The following SNX29 variants were observed in gnomAD, a reference collection of about 807,000 sequenced individuals.
SNX29 encodes the protein sorting nexin-29.
Under a neutral mutation model 102.1 loss-of-function variants are expected in SNX29, and 78 were observed. The observed-to-expected ratio is 0.76, with a 90% confidence interval of 0.64 to 0.92. The LOEUF (loss-of-function observed/expected upper bound fraction) is 0.92. SNX29 is among the 40% of genes least tolerant of loss of function. The probability of loss-of-function intolerance (pLI) is 0.00; values close to 1 mark genes in which losing one functional copy is unlikely to be tolerated. For missense variants in SNX29, 1,280 were observed against 1,061.7 expected, an observed-to-expected ratio of 1.21 and a Z score of -2.86; for synonymous variants, 580 against 414.5, an observed-to-expected ratio of 1.40 and a Z score of -4.85.
chr16:12,257,245 C>T (rs994299774), intron 14 of SNX29, among the ~76,000 whole-genome samples: 1 of 152,120 alleles, frequency 6.6e-6, no homozygotes, highest in Non-Finnish European at 1.5e-5. Flanking sequence ...TCTTGGAATC[C>T]GACTTCCTGT....
At chr16:12,194,698 C>CTT (rs2076727277) in intron 13 of SNX29, among the ~76,000 whole-genome samples, 2 of 148,314 alleles carry the variant, frequency 1.3e-5, no homozygotes, top group South Asian at 4.4e-4. Flanking sequence ...GTGATCTTGG[C>CTT]TCAGTGCAAC....
intron 15 of SNX29, among the ~76,000 whole-genome samples, chr16:12,346,521 A>G (rs1482245299): frequency 2.0e-5 from 3 of 152,088 alleles, no homozygotes; most frequent in East Asian, 1.9e-4. Flanking sequence ...TTAATCCCAA[A>G]TGGCCTGCCT....
intron 13 of SNX29, among the ~76,000 whole-genome samples, chr16:12,182,876 G>A (rs1169218080): frequency 1.4e-5 from 2 of 145,262 alleles, no homozygotes; most frequent in Non-Finnish European, 3.0e-5. Context: ...GGAGGTTGCA[G>A]TGAGCTGAGA....
rs571197333 is a variant in SNX29, at chr16:12,176,411, C to T, written c.1596-23190C>T. The stretch of plus-strand genomic sequence containing the variant: ...ATGGGAATAGTGAATGTTCCAGAAA[C>T]TATGTCTAGTCAGTCCTCAGTATCT... On this transcript the variant is annotated intron_variant, in intron 13 of 20. Transcript: ENST00000566228. Among the ~76,000 whole-genome samples, 136 of 152,302 alleles carry T rather than the reference C, an allele frequency of 8.9e-4. 1 individual carries two copies. Among genetic ancestry groups the T allele is most frequent in the African/African-American group, 3.0e-3 (126 of 41,554 alleles).
chr16:11,992,571 G>C (rs1187079529), intron 1 of SNX29, among the ~76,000 whole-genome samples: 2 of 151,612 alleles, frequency 1.3e-5, no homozygotes, highest in Non-Finnish European at 2.9e-5. Flanking sequence ...GCACGGCTCA[G>C]GTTCCCAATT....
At chr16:12,479,159 C>G (rs1458608491) in intron 19 of SNX29, among the ~76,000 whole-genome samples, 1 of 152,150 alleles carries the variant, frequency 6.6e-6, no homozygotes, top group East Asian at 1.9e-4. Context: ...GGGCTGAGAC[C>G]CAGCAGTCTG....
chr16:12,109,489 G>C (rs531275278), intron 11 of SNX29, among the ~76,000 whole-genome samples: 2 of 152,072 alleles, frequency 1.3e-5, no homozygotes, highest in African/African-American at 4.8e-5. Flanking sequence ...ACTGCTACTG[G>C]GGCTTAAATT....
chr16:12,034,709 A>G (rs2057427244), intron 4 of SNX29, among the ~76,000 whole-genome samples: 2 of 152,134 alleles, frequency 1.3e-5, no homozygotes, highest in African/African-American at 2.4e-5. Context: ...TGCCTGTTTC[A>G]AAGGTGTTTA....
chr16:12,222,770 T>C lies in SNX29; in HGVS notation c.1678+23087T>C, dbSNP rs576861509. On this transcript the variant is annotated intron_variant, in intron 14 of 20. Transcript: ENST00000566228. ...TTTTAGTAGAGATGAGGTTTTGCCA[T>C]GTTGGCCAGTCTGTTCTCAAACTCC... is the stretch of plus-strand genomic sequence containing the variant. Among the ~76,000 whole-genome samples the C allele has an allele frequency of 1.3e-3, 203 of 152,296 alleles. 1 individual carries two copies. The highest frequency in any genetic ancestry group is 5.6e-4 in the Non-Finnish European group (38 of 68,024).
intron 15 of SNX29, among the ~76,000 whole-genome samples, chr16:12,311,641 C>T (rs1449964138): frequency 1.3e-5 from 2 of 152,264 alleles, no homozygotes; most frequent in African/African-American, 2.4e-5. Flanking sequence ...CTAGATTCAT[C>T]TCCAACCCTT....
At chr16:12,540,749 T>G (rs945439688) in intron 20 of SNX29, among the ~76,000 whole-genome samples, 3 of 152,214 alleles carry the variant, frequency 2.0e-5, no homozygotes, top group Admixed American at 6.5e-5. Context: ...GGGGCACCAT[T>G]GATCTTACCG....
At chr16:12,486,990 GAA>G (rs2088275227) in intron 19 of SNX29, among the ~76,000 whole-genome samples, 1 of 152,122 alleles carries the variant, frequency 6.6e-6, no homozygotes, top group Non-Finnish European at 1.5e-5. Flanking sequence ...GAGAGTCAAA[GAA>G]AAAGAAAAAG....
rs1208183389 is a variant in SNX29, at chr16:12,573,453, A to T, written c.*4824A>T. The T allele has an allele frequency of 8.9e-6, 2 of 224,298 alleles. No homozygotes were observed. Among genetic ancestry groups the T allele is most frequent in the African/African-American group, 2.2e-5 (1 of 44,886 alleles). The allele number at this position is 224,298 out of a possible 1,614,324, so 13.9% of individuals were successfully genotyped here. ...CCTTAATAAGATAGTTGAGCCTATG[A>T]CATTAAGGAGCAGCGCTGCTGGCGG... On this transcript the variant is annotated 3_prime_UTR_variant, in exon 21 of 21. Transcript: ENST00000566228.
rs150159072 is a variant in SNX29 at position 12,429,148 on chromosome 16, C to T, written c.2037+25619C>T. Among the ~76,000 whole-genome samples the T allele has an allele frequency of 1.3e-3, 196 of 152,026 alleles. 1 individual carries two copies. The highest frequency in any genetic ancestry group is 3.5e-3 in the South Asian group (17 of 4,800). On this transcript the variant is annotated intron_variant, in intron 18 of 20. Coordinates refer to ENST00000566228, the MANE Select transcript of SNX29 (RefSeq NM_032167.5). ...TCTAGTTAGTCCCAACACATAGATA[C>T]GATTGCAATTAATATCTCTTCCTAG... is the stretch of plus-strand genomic sequence containing the variant.
intron 11 of SNX29, chr16:12,089,891 C>T (rs1002803668): frequency 5.9e-6 from 2 of 336,980 alleles, no homozygotes; most frequent in Non-Finnish European, 1.1e-5. Flanking sequence ...GTGCTGAGGG[C>T]TCCCCTGTGT....
rs763745292 is a variant in SNX29, at chr16:12,048,471, C to T, written c.599C>T (p.Thr200Met). 8 of 1,613,774 alleles carry T rather than the reference C, an allele frequency of 5.0e-6. No homozygotes were observed. Among genetic ancestry groups the T allele is most frequent in the Admixed American group, 1.7e-5 (1 of 59,978 alleles). The change falls in exon 7 of 21, where the codon ACG (threonine) becomes ATG (methionine). Residue 200 changes from threonine (T) to methionine (M), a missense_variant. By Grantham distance (81) the Thr-to-Met change is moderately conservative. Coordinates refer to ENST00000566228, the MANE Select transcript of SNX29 (RefSeq NM_032167.5). Reference protein sequence around the residue: ...PTVSDLLKESTQNVTSLLKES... With the variant: ...PTVSDLLKESMQNVTSLLKES... ...GTTTCAGACCTCTTAAAGGAGTCAACGCAGAACGTGACCTCCTTGCTGAAG... is the reference window on the plus strand; with the variant it reads ...GTTTCAGACCTCTTAAAGGAGTCAATGCAGAACGTGACCTCCTTGCTGAAG...
chr16:12,038,197 C>G (rs2057528931), intron 4 of SNX29, among the ~76,000 whole-genome samples: 4 of 152,200 alleles, frequency 2.6e-5, no homozygotes, highest in Non-Finnish European at 2.9e-5. Flanking sequence ...CACGTAGGTA[C>G]TGTTCTCCCC....
intron 19 of SNX29, among the ~76,000 whole-genome samples, chr16:12,507,855 C>G (rs1447486115): frequency 1.3e-5 from 2 of 152,184 alleles, no homozygotes; most frequent in African/African-American, 2.4e-5. Context: ...TCTGCTGTCT[C>G]CTTTCTCCAG....
intron 18 of SNX29, among the ~76,000 whole-genome samples, chr16:12,452,402 A>G (rs2086345046): frequency 5.1e-5 from 1 of 19,526 alleles, no homozygotes; most frequent in Admixed American, 5.5e-4. Context: ...TAGCCGTCAA[A>G]TGGTAAGTGC....
Sources: gnomAD v4.1 joint callset for allele counts (sites outside exome capture counted in the v4.1 genomes callset) on GRCh38, gnomAD v4.1.1 for gene constraint, MANE v1.5 for transcripts, NCBI Gene and HGNC (gene_info 2026-07-23, HGNC 2026-07-21) for gene names.